SGCZ: variants seen among roughly 807,000 people sequenced by gnomAD.
The protein encoded by SGCZ is zeta-sarcoglycan.
Under a neutral mutation model 41.3 loss-of-function variants are expected in SGCZ, and 40 were observed. The ratio of observed to expected loss-of-function variants is 0.97; its 90% CI spans 0.75 to 1.26. The LOEUF (loss-of-function observed/expected upper bound fraction) is 1.26, where lower values mean the gene tolerates loss of function less well. Ranked by LOEUF, SGCZ falls within the 50% of genes most tolerant of loss-of-function variation. SGCZ has a pLI of 0.00. For synonymous variants in SGCZ, 206 were observed against 137.5 expected (o/e 1.50, Z -3.49); for missense variants, 552 against 369.8 (o/e 1.49, Z -4.04).
chr8:14,605,631 T>C (rs1805724944), intron 1 of SGCZ, among the ~76,000 whole-genome samples: 1 of 152,154 alleles, frequency 6.6e-6, no homozygotes, highest in Admixed American at 6.6e-5. Flanking sequence ...AATTTTTAGG[T>C]TCCACAAATT....
chr8:14,982,024 C>A (rs1347141628), intron 1 of SGCZ, among the ~76,000 whole-genome samples: 1 of 151,926 alleles, frequency 6.6e-6, no homozygotes, highest in East Asian at 1.9e-4. Context: ...GTGGCTCATG[C>A]CTGTAATACC....
In SGCZ at chr8:14,479,731, C is replaced by CTTTTTTTTTTTTTTT. The variant is rs529812029; in HGVS notation, c.234+74986_234+75000dup. Among the ~76,000 whole-genome samples the CTTTTTTTTTTTTTTT allele has an allele frequency of 1.2e-3, 63 of 52,952 alleles. 4 individuals are homozygous for CTTTTTTTTTTTTTTT. Among genetic ancestry groups the CTTTTTTTTTTTTTTT allele is most frequent in the East Asian group, 2.9e-3 (3 of 1,034 alleles). The allele number at this position is 52,952 out of a possible 152,430, so 34.7% of individuals were successfully genotyped here. ...GTCGCATACCTCCAGAATTCTACTTCTTTTTTTTTTTTTTTTTTTTTTTTT... is the reference window on the plus strand; with the variant it reads ...GTCGCATACCTCCAGAATTCTACTTCTTTTTTTTTTTTTTTTTTTTTTTTTTTTTTTTTTTTTTTT... On this transcript the variant is annotated intron_variant, in intron 2 of 7. Transcript: ENST00000382080.
intron 1 of SGCZ, among the ~76,000 whole-genome samples, chr8:15,137,605 G>T (rs1808161293): frequency 6.6e-6 from 1 of 152,132 alleles, no homozygotes; most frequent in Non-Finnish European, 1.5e-5. Flanking sequence ...TGGCTAAAAG[G>T]GGACAAGGTA....
intron 2 of SGCZ, among the ~76,000 whole-genome samples, chr8:14,342,746 A>C (rs1043468557): frequency 6.6e-6 from 1 of 152,016 alleles, no homozygotes; most frequent in African/African-American, 2.4e-5. Context: ...GATAGAAAAG[A>C]AAAACCCATT....
rs980490404 is a variant in SGCZ, at chr8:15,237,792, A to G, written c.-169T>C. On this transcript the variant is annotated 5_prime_UTR_variant, in exon 1 of 8. Coordinates refer to ENST00000382080, the MANE Select transcript of SGCZ (RefSeq NM_139167.4). ...GCCTCCACCGGGTTAAAAATAAGGA[A>G]AATAAATAAATAATAATGATAATTC... is the stretch of plus-strand genomic sequence containing the variant. The G allele has an allele frequency of 3.4e-6, 2 of 581,322 alleles. No individual in the cohort carries two copies. Among genetic ancestry groups the G allele is most frequent in the African/African-American group, 3.7e-5 (2 of 53,376 alleles). The allele number at this position is 581,322 out of a possible 1,614,324, so 36.0% of individuals were successfully genotyped here.
intron 1 of SGCZ, among the ~76,000 whole-genome samples, chr8:14,896,376 A>G (rs1421669914): frequency 2.6e-5 from 4 of 152,224 alleles, no homozygotes; most frequent in African/African-American, 9.6e-5. Context: ...CTCTGGTGTC[A>G]GGCAGAGTTA....
At chr8:14,322,631 C>T (rs1801964053) in intron 3 of SGCZ, among the ~76,000 whole-genome samples, 1 of 152,128 alleles carries the variant, frequency 6.6e-6, no homozygotes, top group Non-Finnish European at 1.5e-5. Flanking sequence ...GTAGCGACTA[C>T]AAATGAACCT....
intron 1 of SGCZ, among the ~76,000 whole-genome samples, chr8:14,607,255 C>T (rs1805781449): frequency 6.6e-6 from 1 of 152,084 alleles, no homozygotes; most frequent in Non-Finnish European, 1.5e-5. Flanking sequence ...ATGGTCATCC[C>T]CATATATTTG....
At chr8:15,145,933 G>A (rs969453440) in intron 1 of SGCZ, among the ~76,000 whole-genome samples, 1 of 152,176 alleles carries the variant, frequency 6.6e-6, no homozygotes, top group African/African-American at 2.4e-5. Context: ...GAATAAAACT[G>A]TATAAACTCC....
chr8:14,699,434 ATC>A (rs1809066760), intron 1 of SGCZ, among the ~76,000 whole-genome samples: 1 of 151,796 alleles, frequency 6.6e-6, no homozygotes, highest in Non-Finnish European at 1.5e-5. Context: ...TTGAAACTGA[ATC>A]TCTACCTTTT....
intron 1 of SGCZ, among the ~76,000 whole-genome samples, chr8:14,996,972 G>A (rs1802240681): frequency 1.3e-5 from 2 of 152,150 alleles, no homozygotes; most frequent in Non-Finnish European, 2.9e-5. Flanking sequence ...ACATAGTAAG[G>A]AAGACGCTCT....
Position 14,586,119 on chromosome 8 carries a change from C to G in SGCZ, c.40-31193G>C, listed in dbSNP as rs1043030162. 3.9e-5 allele frequency among the ~76,000 whole-genome samples: 6 copies of G among 152,162 alleles called. No individual in the cohort carries two copies. The South Asian group carries it at 1.2e-3, about 31-fold the overall frequency. ...ATACACGCAGCTGAGAATAATTCTA[C>G]TTCATAATCATCGTTGTCTTAGATT... On this transcript the variant is annotated intron_variant, in intron 1 of 7. Transcript: ENST00000382080.
At chr8:14,179,859 T>G (rs542928364) in intron 4 of SGCZ, among the ~76,000 whole-genome samples, 1 of 152,222 alleles carries the variant, frequency 6.6e-6, no homozygotes, top group Admixed American at 6.5e-5. Context: ...CTACCCATTA[T>G]ACACCCCAAT....
chr8:15,174,718 G>A (rs1393536957), intron 1 of SGCZ, among the ~76,000 whole-genome samples: 2 of 152,186 alleles, frequency 1.3e-5, no homozygotes, highest in African/African-American at 4.8e-5. Flanking sequence ...GGTTCAGACA[G>A]AATTCTTAAT....
chr8:14,551,498 T>TATATATTATATATAATATATATAA (rs1563404310), intron 2 of SGCZ, among the ~76,000 whole-genome samples: 1 of 10,006 alleles, frequency 1.0e-4, no homozygotes, highest in African/African-American at 4.7e-4. Flanking sequence ...ATTATATATA[T>TATATATTATATATAATATATATAA]TATATATATT....
At chr8:14,898,686 A>G (rs1805293141) in intron 1 of SGCZ, among the ~76,000 whole-genome samples, 1 of 152,178 alleles carries the variant, frequency 6.6e-6, no homozygotes, top group African/African-American at 2.4e-5. Flanking sequence ...GAGAAGAGTC[A>G]AGTTTAAGAA....
At chr8:14,674,013 T>C (rs1458008050) in intron 1 of SGCZ, among the ~76,000 whole-genome samples, 2 of 152,174 alleles carry the variant, frequency 1.3e-5, no homozygotes, top group Non-Finnish European at 2.9e-5. Context: ...TTTAAAGTGA[T>C]CCACAAGATA....
chr8:15,031,912 T>TCTCC (rs562887629), intron 1 of SGCZ, among the ~76,000 whole-genome samples: 9,252 of 150,868 alleles, frequency 0.061, 366 homozygotes, highest in Middle Eastern at 0.11. Flanking sequence ...CCTCTCTCTC[T>TCTCC]CTCTCTCTCT....
chr8:14,702,851 A>AGATAGATAGAT (rs1237024819), intron 1 of SGCZ, among the ~76,000 whole-genome samples: 5 of 140,552 alleles, frequency 3.6e-5, no homozygotes, highest in African/African-American at 1.3e-4. Flanking sequence ...ATAGATAGAT[A>AGATAGATAGAT]GATAGATAGA....
Sources: allele counts gnomAD v4.1 joint callset (sites outside exome capture counted in the v4.1 genomes callset), GRCh38; gene constraint gnomAD v4.1.1; transcripts MANE v1.5; gene names NCBI Gene and HGNC (gene_info 2026-07-23, HGNC 2026-07-21).